Variants in ARHGAP28 observed in about 807,000 individuals in gnomAD.
ARHGAP28 encodes Rho GTPase activating protein 28.
In ARHGAP28, 56 loss-of-function variants were observed where a neutral mutation model predicts 90.7. The observed-to-expected ratio is 0.62, with a 90% CI of 0.50 to 0.77. The LOEUF is 0.77. ARHGAP28 is among the 30% of genes least tolerant of loss of function. ARHGAP28 has a pLI of 0.00. For synonymous variants in ARHGAP28, 308 were observed against 323.3 expected, an observed-to-expected ratio of 0.95 and a Z score of 0.51; for missense variants, 869 against 900.9, an observed-to-expected ratio of 0.96 and a Z score of 0.45.
At chr18:6,784,967 A>G (rs1283139932) in intron 1 of ARHGAP28, among the ~76,000 whole-genome samples, 1 of 152,232 alleles carries the variant, frequency 6.6e-6, no homozygotes, top group Non-Finnish European at 1.5e-5. Context: ...CTGAGCAGCA[A>G]ATGCCTGTGG....
chr18:6,898,170 G>A (rs2057317538), intron 16 of ARHGAP28: 1 of 271,598 alleles, frequency 3.7e-6, no homozygotes, highest in Non-Finnish European at 6.8e-6. Flanking sequence ...TCTACCATCA[G>A]GAGAAAAACT....
At chr18:6,809,854 G>T (rs113934590) in intron 1 of ARHGAP28, among the ~76,000 whole-genome samples, 1,925 of 152,202 alleles carry the variant, frequency 0.013, 27 homozygotes, top group African/African-American at 0.038. Context: ...TGCTAGATTT[G>T]CAGTACCTAG....
chr18:6,744,774 G>T (rs2056008374), intron 1 of ARHGAP28, among the ~76,000 whole-genome samples: 1 of 151,994 alleles, frequency 6.6e-6, no homozygotes, highest in Admixed American at 6.6e-5. Flanking sequence ...ACTGATTTTT[G>T]TTTTTCAGAT....
intron 3 of ARHGAP28, among the ~76,000 whole-genome samples, chr18:6,843,500 C>T (rs2056843275): frequency 6.6e-6 from 1 of 152,208 alleles, no homozygotes; most frequent in Non-Finnish European, 1.5e-5. Context: ...TCCTCTACCC[C>T]TATCAAACCA....
chr18:6,826,932 A>G (rs1301030231), intron 2 of ARHGAP28, among the ~76,000 whole-genome samples: 1 of 152,116 alleles, frequency 6.6e-6, no homozygotes, highest in Non-Finnish European at 1.5e-5. Context: ...AACAAAGCAC[A>G]TCTTGCACCA....
At chr18:6,910,880 T>C (rs1006791836) in intron 17 of ARHGAP28, among the ~76,000 whole-genome samples, 5 of 136,176 alleles carry the variant, frequency 3.7e-5, no homozygotes, top group Non-Finnish European at 8.2e-5. Context: ...AGTCTCGCTC[T>C]GTCGCCCAGG....
chr18:6,897,661 A>G (rs2143793352), intron 16 of ARHGAP28: 1 of 152,354 alleles, frequency 6.6e-6, no homozygotes, highest in East Asian at 1.9e-4. Flanking sequence ...CAAAAAAGCC[A>G]ACTGTAAAAG....
At position 6,729,949 on chromosome 18, in the gene ARHGAP28, C is replaced by A. The variant is rs780917741; in HGVS notation, c.122+6C>A. 361 of 1,354,666 alleles carry A rather than the reference C, an allele frequency of 2.7e-4. No homozygotes were observed. Among genetic ancestry groups the A allele is most frequent in the Non-Finnish European group, 3.1e-4 (325 of 1,058,104 alleles). The allele number at this position is 1,354,666 out of a possible 1,614,324, so 83.9% of individuals were successfully genotyped here. On this transcript the variant is annotated splice_donor_region_variant and intron_variant, in intron 1 of 17. Coordinates refer to ENST00000383472, the MANE Select transcript of ARHGAP28 (RefSeq NM_001366230.1). ...GCCAGCCACCCGCTCAGCAGGTACC[C>A]GGAGCCGCTCCCACCAGGGCGGCGC...
intron 1 of ARHGAP28, among the ~76,000 whole-genome samples, chr18:6,803,319 T>C (rs1461008209): frequency 2.6e-5 from 4 of 152,224 alleles, no homozygotes; most frequent in African/African-American, 4.8e-5. Context: ...CAAGTACTTT[T>C]TTCCCATATA....
chr18:6,824,781 C>G lies in ARHGAP28; in HGVS notation c.142C>G (p.Arg48Gly). 1.3e-6 allele frequency: 2 copies of G among 1,535,382 alleles called. No individual in the cohort carries two copies. The highest frequency in any genetic ancestry group is 1.7e-6 in the Non-Finnish European group (2 of 1,146,610). The change falls in exon 2 of 18, where the codon CGA (arginine) becomes GGA (glycine). Residue 48 changes from arginine (R) to glycine (G), a missense_variant. Physicochemically the swap from Arg to Gly is moderately radical, Grantham distance 125. Transcript: ENST00000383472. ...PLSRKSIPRC[R>G]RINRMLSNES... ...CCTCAGAAAATCCATTCCTCGCTGC[C>G]GAAGAATTAACAGGATGCTCTCCAA...
intron 1 of ARHGAP28, among the ~76,000 whole-genome samples, chr18:6,794,859 T>A (rs2056430483): frequency 6.6e-6 from 1 of 152,012 alleles, no homozygotes; most frequent in Non-Finnish European, 1.5e-5. Flanking sequence ...ATTTTTAAAT[T>A]TTTTATAGAG....
At chr18:6,804,846 T>C (rs2056506755) in intron 1 of ARHGAP28, among the ~76,000 whole-genome samples, 1 of 152,244 alleles carries the variant, frequency 6.6e-6, no homozygotes, top group South Asian at 2.1e-4. Context: ...TGGTAAATGT[T>C]CTATGTGTAC....
chr18:6,792,597 C>T (rs1281092947), intron 1 of ARHGAP28, among the ~76,000 whole-genome samples: 1 of 152,176 alleles, frequency 6.6e-6, no homozygotes, highest in African/African-American at 2.4e-5. Context: ...CAGAACACTT[C>T]CTATGGAGTG....
In ARHGAP28 at chr18:6,839,837, T is replaced by C. The variant is rs2056790902; in HGVS notation, c.543+2423T>C. 1.3e-5 allele frequency among the ~76,000 whole-genome samples: 2 copies of C among 152,264 alleles called. 1 individual carries two copies. The highest frequency in any genetic ancestry group is 4.1e-4 in the South Asian group (2 of 4,834). On this transcript the variant is annotated intron_variant, in intron 3 of 17. Coordinates refer to ENST00000383472, the MANE Select transcript of ARHGAP28 (RefSeq NM_001366230.1). ...ACCTTTGACTTATGATGATCATTCC[T>C]GTTCATTTGACTTATGATGTGCATT...
At chr18:6,894,057 C>T (rs964172483) in intron 14 of ARHGAP28, among the ~76,000 whole-genome samples, 23 of 151,924 alleles carry the variant, frequency 1.5e-4, no homozygotes, top group African/African-American at 4.3e-4. Flanking sequence ...TTAGTAAAGA[C>T]GGGGTTTCAC....
chr18:6,761,291 A>C (rs2056157860), intron 1 of ARHGAP28, among the ~76,000 whole-genome samples: 1 of 152,074 alleles, frequency 6.6e-6, no homozygotes, highest in Non-Finnish European at 1.5e-5. Context: ...TAGGCAATCC[A>C]CTTATGGTTT....
rs748850404 is a variant in ARHGAP28 at position 6,851,146 on chromosome 18, G to A, written c.636+20G>A. On this transcript the variant is annotated intron_variant, in intron 4 of 17. Coordinates refer to ENST00000383472, the MANE Select transcript of ARHGAP28 (RefSeq NM_001366230.1). ...TCCATGGTAAGTTATAGTTGTGGGG[G>A]GATGGTGGTAGGCATGAAATAAGCC... is the stretch of plus-strand genomic sequence containing the variant. 114 of 1,605,354 alleles carry A rather than the reference G, an allele frequency of 7.1e-5. No individual in the cohort carries two copies. The highest frequency in any genetic ancestry group is 9.4e-5 in the Non-Finnish European group (110 of 1,173,384).
chr18:6,795,916 G>A (rs1181667977), intron 1 of ARHGAP28, among the ~76,000 whole-genome samples: 1 of 152,228 alleles, frequency 6.6e-6, no homozygotes, highest in Non-Finnish European at 1.5e-5. Context: ...CAGGTAACAT[G>A]TAGATCCTTG....
intron 4 of ARHGAP28, among the ~76,000 whole-genome samples, chr18:6,855,584 C>T (rs1238899036): frequency 2.6e-5 from 4 of 152,188 alleles, no homozygotes; most frequent in Non-Finnish European, 5.9e-5. Flanking sequence ...ACTTTGGACC[C>T]GCCAAATGGT....
Sources: allele counts gnomAD v4.1 joint callset (sites outside exome capture counted in the v4.1 genomes callset), GRCh38; gene constraint gnomAD v4.1.1; transcripts MANE v1.5; gene names NCBI Gene and HGNC (gene_info 2026-07-23, HGNC 2026-07-21).